Variants in IL1RAPL1 observed in about 807,000 individuals in gnomAD.
The protein encoded by IL1RAPL1 is interleukin-1 receptor accessory protein-like 1.
Under a neutral mutation model 48.4 loss-of-function variants are expected in IL1RAPL1, and 3 were observed. That is an observed-to-expected ratio of 0.06 (90% CI 0.03 to 0.16). The LOEUF is 0.16. Among genes scored for constraint, IL1RAPL1 ranks in the 10% least tolerant of loss-of-function variants. The probability of loss-of-function intolerance (pLI) is 1.00; values close to 1 mark genes in which losing one functional copy is unlikely to be tolerated. For synonymous variants in IL1RAPL1, 185 were observed against 187.7 expected (o/e 0.99, Z 0.12); for missense variants, 349 against 530.6 (o/e 0.66, Z 3.36).
chrX:29,344,627 G>GTTTTTT (rs968287631), intron 3 of IL1RAPL1, among the ~76,000 whole-genome samples: 1 of 110,695 alleles, frequency 9.0e-6, no homozygotes, highest in Admixed American at 9.6e-5. Context: ...AGGTAACCAT[G>GTTTTTT]TTTTTTTTGT....
intron 2 of IL1RAPL1, among the ~76,000 whole-genome samples, chrX:29,151,707 A>G (rs373842457): frequency 1.8e-5 from 2 of 111,892 alleles, no homozygotes; most frequent in African/African-American, 6.5e-5. Flanking sequence ...AGCATCATTT[A>G]TAGACTGGTT....
intron 1 of IL1RAPL1, among the ~76,000 whole-genome samples, chrX:28,695,636 C>T (rs1362865031): frequency 3.6e-5 from 4 of 111,444 alleles, no homozygotes; most frequent in Non-Finnish European, 7.6e-5. Context: ...TTCAGAAGTC[C>T]GATTTTTAAT....
At chrX:28,688,103 CAA>C (rs55752146) in intron 1 of IL1RAPL1, among the ~76,000 whole-genome samples, 62 of 49,939 alleles carry the variant, frequency 1.2e-3, no homozygotes, top group African/African-American at 1.7e-3. Flanking sequence ...GACTCTGTCT[CAA>C]AAAAAAAAAA....
At chrX:29,899,922 G>GA (rs1299313574) in intron 6 of IL1RAPL1, among the ~76,000 whole-genome samples, 2 of 111,725 alleles carry the variant, frequency 1.8e-5, no homozygotes, top group Non-Finnish European at 3.8e-5. Context: ...ACTCAGCACA[G>GA]AAAATTCCCT....
intron 6 of IL1RAPL1, among the ~76,000 whole-genome samples, chrX:29,749,691 CTTT>C (rs1244868670): frequency 1.1e-4 from 11 of 104,331 alleles, no homozygotes; most frequent in African/African-American, 4.2e-4. Flanking sequence ...GATAGCCAGA[CTTT>C]CTTTGTCAAA....
intron 3 of IL1RAPL1, among the ~76,000 whole-genome samples, chrX:29,380,562 A>G (rs968483718): frequency 1.8e-5 from 2 of 112,367 alleles, no homozygotes; most frequent in Non-Finnish European, 3.8e-5. Flanking sequence ...ATTCCTATGG[A>G]TAACAAAGAA....
At chrX:28,657,026 C>CAA (rs766745553) in intron 1 of IL1RAPL1, among the ~76,000 whole-genome samples, 507 of 38,373 alleles carry the variant, frequency 0.013, 7 homozygotes, top group African/African-American at 0.042. Context: ...GACTCTACCT[C>CAA]AAAAAAAAAA....
At chrX:29,915,861 C>T (rs1162681047) in intron 6 of IL1RAPL1, among the ~76,000 whole-genome samples, 1 of 83,681 alleles carries the variant, frequency 1.2e-5, no homozygotes, top group Non-Finnish European at 2.3e-5. Flanking sequence ...AACTCGTCAT[C>T]TAGCATTAGG....
chrX:28,743,219 C>A (rs1382520500), intron 1 of IL1RAPL1, among the ~76,000 whole-genome samples: 1 of 111,059 alleles, frequency 9.0e-6, no homozygotes, highest in African/African-American at 3.3e-5. Context: ...TTGTTTTCTT[C>A]CCACTATACC....
chrX:29,802,776 T>C lies in IL1RAPL1; in HGVS notation c.779-114688T>C, dbSNP rs1454263580. 3.1e-3 allele frequency among the ~76,000 whole-genome samples: 78 copies of C among 24,765 alleles called. 2 individuals are homozygous for C. The highest frequency in any genetic ancestry group is 0.014 in the African/African-American group (77 of 5,590). The allele number at this position is 24,765 out of a possible 115,157, so 21.5% of individuals were successfully genotyped here. On this transcript the variant is annotated intron_variant, in intron 6 of 10. Coordinates refer to ENST00000378993, the MANE Select transcript of IL1RAPL1 (RefSeq NM_014271.4). ...ATATATATATATATATATATATATA[T>C]ATATATGTGTGTGTGTATATATATA... is the stretch of plus-strand genomic sequence containing the variant.
At chrX:28,814,956 T>C in intron 2 of IL1RAPL1, among the ~76,000 whole-genome samples, 1 of 110,582 alleles carries the variant, frequency 9.0e-6, no homozygotes, top group Middle Eastern at 4.7e-3. Context: ...TGGTACTTTA[T>C]AATACAGTGA....
intron 5 of IL1RAPL1, among the ~76,000 whole-genome samples, chrX:29,654,607 C>G (rs1158847122): frequency 3.6e-5 from 4 of 111,533 alleles, no homozygotes; most frequent in African/African-American, 1.3e-4. Context: ...AAGACCTGCC[C>G]CCATGATTCA....
At chrX:29,125,733 T>C (rs1437612214) in intron 2 of IL1RAPL1, among the ~76,000 whole-genome samples, 1 of 111,215 alleles carries the variant, frequency 9.0e-6, no homozygotes, top group Non-Finnish European at 1.9e-5. Flanking sequence ...GTTTTTGTTT[T>C]GACTGCCATC....
intron 6 of IL1RAPL1, among the ~76,000 whole-genome samples, chrX:29,885,014 A>G (rs1235346303): frequency 2.8e-5 from 3 of 108,436 alleles, no homozygotes; most frequent in Non-Finnish European, 5.7e-5. Flanking sequence ...ATGATCTACA[A>G]GGCCCAATCT....
At chrX:29,550,024 T>C (rs1016373461) in intron 5 of IL1RAPL1, among the ~76,000 whole-genome samples, 4 of 111,702 alleles carry the variant, frequency 3.6e-5, no homozygotes, top group African/African-American at 1.3e-4. Context: ...TTCCAAGTTA[T>C]AATTTTTTAG....
intron 8 of IL1RAPL1, among the ~76,000 whole-genome samples, chrX:29,934,084 G>GA (rs1295321591): frequency 1.8e-5 from 2 of 111,041 alleles, no homozygotes; most frequent in African/African-American, 3.3e-5. Context: ...TTCTAAAGAG[G>GA]AAAAAAATCA....
intron 2 of IL1RAPL1, among the ~76,000 whole-genome samples, chrX:29,196,135 A>T (rs1283749671): frequency 8.9e-6 from 1 of 111,848 alleles, no homozygotes; most frequent in Non-Finnish European, 1.9e-5. Flanking sequence ...CCATCCACTA[A>T]TTTTTTTGTC....
At chrX:29,000,444 T>C (rs1222002938) in intron 2 of IL1RAPL1, among the ~76,000 whole-genome samples, 1 of 112,250 alleles carries the variant, frequency 8.9e-6, no homozygotes, top group East Asian at 2.8e-4. Context: ...GCTCCTTGAA[T>C]ACAGGTCTTA....
At chrX:29,349,255 G>GT (rs1341542581) in intron 3 of IL1RAPL1, among the ~76,000 whole-genome samples, 1 of 112,489 alleles carries the variant, frequency 8.9e-6, no homozygotes, top group Non-Finnish European at 1.9e-5. Context: ...TTTCTTCCTT[G>GT]TGGGTATGGA....
Sources: allele counts gnomAD v4.1 joint callset (sites outside exome capture counted in the v4.1 genomes callset), GRCh38; gene constraint gnomAD v4.1.1; transcripts MANE v1.5; gene names NCBI Gene and HGNC (gene_info 2026-07-23, HGNC 2026-07-21).